The following PCOLCE2 variants were observed in gnomAD, a reference collection of about 807,000 sequenced individuals.
PCOLCE2 encodes procollagen C-endopeptidase enhancer 2.
Under a neutral mutation model 47.0 loss-of-function variants are expected in PCOLCE2, and 42 were observed. That is an observed-to-expected ratio of 0.89 (90% CI 0.70 to 1.16). The LOEUF (loss-of-function observed/expected upper bound fraction) is 1.16. Ranked by LOEUF, PCOLCE2 falls within the 50% of genes most tolerant of loss-of-function variation. The pLI, the probability that PCOLCE2 is intolerant of heterozygous loss-of-function variation, is 0.00. For synonymous variants in PCOLCE2, 169 were observed against 191.7 expected, an observed-to-expected ratio of 0.88 and a Z score of 0.98; for missense variants, 500 against 526.1, an observed-to-expected ratio of 0.95 and a Z score of 0.49.
chr3:142,879,153 T>TA (rs999794837), intron 2 of PCOLCE2, among the ~76,000 whole-genome samples: 28 of 152,212 alleles, frequency 1.8e-4, no homozygotes, highest in African/African-American at 6.3e-4. Context: ...TACACTACTT[T>TA]AAAAAAAGTG....
chr3:142,864,515 T>C (rs1277170565), intron 2 of PCOLCE2: 1 of 152,226 alleles, frequency 6.6e-6, no homozygotes, highest in African/African-American at 2.4e-5. Flanking sequence ...TATCAAGGTA[T>C]GATTTACAAA....
chr3:142,833,353 T>C lies in PCOLCE2; in HGVS notation c.711-3507A>G, dbSNP rs544223657. ...ACATGCACTACCAGGCGACATTAATTGTTTTGTATTTTTAGAGATAGGATT... is the reference window on the plus strand; with the variant it reads ...ACATGCACTACCAGGCGACATTAATCGTTTTGTATTTTTAGAGATAGGATT... On this transcript the variant is annotated intron_variant, in intron 5 of 8. Transcript: ENST00000295992. Among the ~76,000 whole-genome samples the C allele has an allele frequency of 1.2e-4, 19 of 152,102 alleles. No homozygotes were observed. In the South Asian group the frequency reaches 3.9e-3, roughly 32 times the overall value.
At chr3:142,867,776 G>T (rs1933313423) in intron 2 of PCOLCE2, among the ~76,000 whole-genome samples, 1 of 152,086 alleles carries the variant, frequency 6.6e-6, no homozygotes, top group African/African-American at 2.4e-5. Context: ...AGTGCAAAAT[G>T]GTTAACCCCT....
Position 142,838,914 on chromosome 3 carries a change from G to C in PCOLCE2, c.574-8C>G. 6.2e-7 allele frequency: 1 copy of C among 1,604,438 alleles called. No homozygotes were observed. Among genetic ancestry groups the C allele is most frequent in the Middle Eastern group, 1.7e-4 (1 of 6,042 alleles). ...AAACTTTAATTCTATAAGCTTTAGA[G>C]AAAGCACAATAGAAGTGTCAAATAT... On this transcript the variant is annotated splice_polypyrimidine_tract_variant and splice_region_variant and intron_variant, in intron 4 of 8. Coordinates refer to ENST00000295992, the MANE Select transcript of PCOLCE2 (RefSeq NM_013363.4).
At chr3:142,824,009 T>C (rs533378656) in intron 6 of PCOLCE2, among the ~76,000 whole-genome samples, 1 of 152,214 alleles carries the variant, frequency 6.6e-6, no homozygotes, top group Non-Finnish European at 1.5e-5. Context: ...AAAGGAATCA[T>C]AGGGTGTTCC....
In PCOLCE2 at chr3:142,843,016, G is replaced by A. The variant is rs774351236; in HGVS notation, c.481C>T (p.Pro161Ser). The change falls in exon 4 of 9, where the codon CCT (proline) becomes TCT (serine). Residue 161 changes from proline (P) to serine (S), a missense_variant. Pro to Ser is a moderately conservative substitution (Grantham distance 74, BLOSUM62 -1). Coordinates refer to ENST00000295992, the MANE Select transcript of PCOLCE2 (RefSeq NM_013363.4). ...TTGGGGGTTTTAAAAGAGCCGGAAGGTCTGTCAAGGAGTCCTCCACAATAC... is the reference window on the plus strand; with the variant it reads ...TTGGGGGTTTTAAAAGAGCCGGAAGATCTGTCAAGGAGTCCTCCACAATAC... ...DQYCGGLLDR[P>S]SGSFKTPNWP... 25 of 1,613,702 alleles carry A rather than the reference G, an allele frequency of 1.5e-5. No homozygotes were observed. Among genetic ancestry groups the A allele is most frequent in the Admixed American group, 6.7e-5 (4 of 60,002 alleles).
chr3:142,836,786 T>C (rs1278305746), intron 5 of PCOLCE2, among the ~76,000 whole-genome samples: 1 of 149,964 alleles, frequency 6.7e-6, no homozygotes, highest in East Asian at 2.0e-4. Context: ...AAAAGGGAGG[T>C]AGAGGATAAA....
intron 8 of PCOLCE2, among the ~76,000 whole-genome samples, chr3:142,819,337 C>T (rs879095149): frequency 1.3e-5 from 2 of 152,114 alleles, no homozygotes; most frequent in Admixed American, 1.3e-4. Flanking sequence ...TCCCCTTTCC[C>T]CTGGTGTGTC....
intron 2 of PCOLCE2, among the ~76,000 whole-genome samples, chr3:142,850,809 G>T (rs1350761578): frequency 1.1e-5 from 1 of 90,204 alleles, no homozygotes; most frequent in African/African-American, 4.0e-5. Flanking sequence ...TAATATGGGG[G>T]TAAGGAAGGG....
chr3:142,861,587 A>C (rs142307047), intron 2 of PCOLCE2, among the ~76,000 whole-genome samples: 1 of 151,492 alleles, frequency 6.6e-6, no homozygotes, highest in East Asian at 1.9e-4. Context: ...TTTTATGTGC[A>C]CAGTGTCTTT....
rs1373981680 is a variant in PCOLCE2 at position 142,818,372 on chromosome 3, TGA to T, written c.1209_1210del (p.Asn403LysfsTer10). On this transcript the variant is annotated frameshift_variant, in exon 9 of 9. Transcript: ENST00000295992. LOFTEE classifies it high-confidence loss of function. ...ATTTTTTAAGGCATCCAGGAGCTTCTGATTCTTGGTCTTGAACATCATGATAA... is the reference window on the plus strand; with the variant it reads ...ATTTTTTAAGGCATCCAGGAGCTTCTTTCTTGGTCTTGAACATCATGATAA... 1 of 1,613,794 alleles carries T rather than the reference TGA, an allele frequency of 6.2e-7. No homozygotes were observed. The highest frequency in any genetic ancestry group is 1.7e-5 in the Admixed American group (1 of 60,002).
At chr3:142,838,946 C>T (rs764293648) in intron 4 of PCOLCE2, 40 bp from the exon 5 acceptor site, 5 of 1,481,994 alleles carry the variant, frequency 3.4e-6, no homozygotes, top group Non-Finnish European at 3.7e-6. Flanking sequence ...ATATTAATAG[C>T]ATTGTTGAAT....
chr3:142,873,393 CAAA>C (rs374190713), intron 2 of PCOLCE2, among the ~76,000 whole-genome samples: 10 of 81,612 alleles, frequency 1.2e-4, no homozygotes, highest in Admixed American at 2.8e-4. Flanking sequence ...AACTCCATCT[CAAA>C]AAAAAAAAAA....
At chr3:142,864,956 T>C (rs1452765872) in intron 2 of PCOLCE2, among the ~76,000 whole-genome samples, 1 of 152,240 alleles carries the variant, frequency 6.6e-6, no homozygotes, top group African/African-American at 2.4e-5. Flanking sequence ...AATGCTTCCA[T>C]AAACATCTTT....
chr3:142,847,676 A>G (rs1937342185), intron 3 of PCOLCE2, among the ~76,000 whole-genome samples: 1 of 152,140 alleles, frequency 6.6e-6, no homozygotes, highest in Non-Finnish European at 1.5e-5. Context: ...AGCTGGGACA[A>G]CAGGTGTGTG....
intron 5 of PCOLCE2, among the ~76,000 whole-genome samples, chr3:142,835,663 G>A (rs181626939): frequency 1.1e-4 from 16 of 152,164 alleles, no homozygotes; most frequent in Admixed American, 3.9e-4. Context: ...TGTCTTTTGA[G>A]ACAGGGTCTT....
Position 142,848,240 on chromosome 3 carries a change from G to C in PCOLCE2, c.425C>G (p.Ser142Cys). Residue 142 changes from serine to cysteine, a missense_variant, in exon 3 of 9, where the codon TCC (serine) becomes TGC (cysteine). Ser to Cys is a moderately radical substitution (Grantham distance 112). Coordinates refer to ENST00000295992, the MANE Select transcript of PCOLCE2 (RefSeq NM_013363.4). Reference sequence around the variant, plus strand: ...ACCTCTTTCGTTTGGTTCAGCAGCGGAGAACATGGCCATGAAGCCATTGCC... The same window carrying C: ...ACCTCTTTCGTTTGGTTCAGCAGCGCAGAACATGGCCATGAAGCCATTGCC... Reference protein sequence around the residue: ...TAGNGFMAMFSAAEPNERGDQ... With the variant: ...TAGNGFMAMFCAAEPNERGDQ... 1 of 1,614,158 alleles carries C rather than the reference G, an allele frequency of 6.2e-7. No individual in the cohort carries two copies. The highest frequency in any genetic ancestry group is 8.5e-7 in the Non-Finnish European group (1 of 1,179,976).
intron 2 of PCOLCE2, among the ~76,000 whole-genome samples, chr3:142,865,770 T>C (rs940942163): frequency 3.3e-5 from 5 of 152,162 alleles, no homozygotes; most frequent in Non-Finnish European, 7.3e-5. Flanking sequence ...ACAAAATCAA[T>C]GTATGGAGAA....
intron 2 of PCOLCE2, among the ~76,000 whole-genome samples, chr3:142,884,254 GC>G (rs1933681153): frequency 6.6e-6 from 1 of 152,124 alleles, no homozygotes; most frequent in Admixed American, 6.5e-5. Context: ...TTGCTGCAGG[GC>G]TTAATACAGG....
Sources: allele counts gnomAD v4.1 joint callset (sites outside exome capture counted in the v4.1 genomes callset), GRCh38; gene constraint gnomAD v4.1.1; transcripts MANE v1.5; gene names NCBI Gene and HGNC (gene_info 2026-07-23, HGNC 2026-07-21).